The following NCKAP5 variants were observed in gnomAD, a reference collection of about 807,000 sequenced individuals.
The protein encoded by NCKAP5 is nck-associated protein 5.
Under a neutral mutation model 167.0 loss-of-function variants are expected in NCKAP5, and 92 were observed. The observed-to-expected ratio is 0.55, with a 90% confidence interval of 0.47 to 0.66. The LOEUF is 0.66. NCKAP5 is among the 30% of genes least tolerant of loss of function. The pLI, the probability that NCKAP5 is intolerant of heterozygous loss-of-function variation, is 0.00. For synonymous variants in NCKAP5, 891 were observed against 877.4 expected (o/e 1.02, Z -0.27); for missense variants, 2,378 against 2,315.0 (o/e 1.03, Z -0.56).
At chr2:132,852,904 A>G (rs1222972847) in intron 11 of NCKAP5, among the ~76,000 whole-genome samples, 2 of 152,126 alleles carry the variant, frequency 1.3e-5, no homozygotes, top group South Asian at 2.1e-4. Flanking sequence ...GTTTGTTTAT[A>G]TTATCTATCT....
At chr2:133,447,508 CCCCTTCCTTTCCCTTCCTTT>C (rs573957113) in intron 3 of NCKAP5, among the ~76,000 whole-genome samples, 1 of 142,192 alleles carries the variant, frequency 7.0e-6, no homozygotes, top group Non-Finnish European at 1.5e-5. Context: ...CCCTTCCTTT[CCCCTTCCTTTCCCTTCCTTT>C]CCCTTCCTTT....
intron 19 of NCKAP5, among the ~76,000 whole-genome samples, chr2:132,721,091 C>T (rs142800007): frequency 1.6e-3 from 248 of 151,898 alleles, no homozygotes; most frequent in African/African-American, 5.7e-3. Flanking sequence ...GGGCAGATCA[C>T]GAGGTCAGGA....
intron 7 of NCKAP5, among the ~76,000 whole-genome samples, chr2:132,974,563 C>T (rs1372207989): frequency 6.6e-6 from 1 of 152,124 alleles, no homozygotes; most frequent in Admixed American, 6.5e-5. Context: ...GTGGCAGAGC[C>T]AGAATTTAAA....
chr2:133,622,107 G>A, the NCKAP5 span, among the ~76,000 whole-genome samples: 1 of 151,980 alleles, frequency 6.6e-6, no homozygotes, highest in Non-Finnish European at 1.5e-5. Context: ...AAAACCTTCA[G>A]CAAAATTGGC....
chr2:133,672,049 C>G, the NCKAP5 span, among the ~76,000 whole-genome samples: 2 of 152,046 alleles, frequency 1.3e-5, no homozygotes, highest in Admixed American at 6.6e-5. Context: ...GCAATAAATG[C>G]TATGAAGAAA....
At chr2:133,326,782 C>T (rs1049614123) in intron 3 of NCKAP5, among the ~76,000 whole-genome samples, 2 of 152,300 alleles carry the variant, frequency 1.3e-5, no homozygotes, top group African/African-American at 2.4e-5. Flanking sequence ...CCTCTTCCTG[C>T]GTAAATTCAA....
intron 6 of NCKAP5, among the ~76,000 whole-genome samples, chr2:133,120,791 TAAAGATCCCCAG>T (rs972366026): frequency 6.6e-6 from 1 of 152,186 alleles, no homozygotes; most frequent in African/African-American, 2.4e-5. Flanking sequence ...ATCAAAACTT[TAAAGATCCCCAG>T]AAATGGCCAT....
At chr2:133,654,992 A>T in the NCKAP5 span, among the ~76,000 whole-genome samples, 3 of 152,216 alleles carry the variant, frequency 2.0e-5, no homozygotes, top group African/African-American at 7.2e-5. Context: ...GAGAGCTTCA[A>T]TTATAGGCAA....
At chr2:133,042,348 T>C (rs1054581334) in intron 6 of NCKAP5, among the ~76,000 whole-genome samples, 1 of 152,138 alleles carries the variant, frequency 6.6e-6, no homozygotes, top group Non-Finnish European at 1.5e-5. Context: ...TGGTAAATAA[T>C]GAAAATTATG....
chr2:133,174,492 T>A (rs1385537991), intron 5 of NCKAP5, among the ~76,000 whole-genome samples: 1 of 152,168 alleles, frequency 6.6e-6, no homozygotes, highest in Non-Finnish European at 1.5e-5. Context: ...TTAGCATCCA[T>A]CATTATGGAC....
chr2:133,558,800 G>A (rs1687952973), intron 2 of NCKAP5, among the ~76,000 whole-genome samples: 1 of 145,814 alleles, frequency 6.9e-6, no homozygotes, highest in Admixed American at 7.1e-5. Flanking sequence ...GTTCTCTGTA[G>A]TTGTTTTGGA....
chr2:132,961,364 C>T, intron 8 of NCKAP5, among the ~76,000 whole-genome samples: 1 of 151,430 alleles, frequency 6.6e-6, no homozygotes. Flanking sequence ...ATTTGTATTT[C>T]TTATTTTACA....
chr2:133,247,009 C>T (rs192423661), intron 4 of NCKAP5, among the ~76,000 whole-genome samples: 1 of 152,318 alleles, frequency 6.6e-6, no homozygotes, highest in East Asian at 1.9e-4. Flanking sequence ...TTTCCTAAAT[C>T]CAATTCTTCC....
chr2:132,957,162 G>C (rs6726816), intron 8 of NCKAP5, among the ~76,000 whole-genome samples: 4 of 151,906 alleles, frequency 2.6e-5, no homozygotes, highest in Admixed American at 6.5e-5. Context: ...AACTTAACGC[G>C]GGCAAAAACC....
At chr2:132,839,428 G>T (rs1301917905) in intron 11 of NCKAP5, among the ~76,000 whole-genome samples, 1 of 152,020 alleles carries the variant, frequency 6.6e-6, no homozygotes, top group Admixed American at 6.6e-5. Flanking sequence ...TTGACTCTTG[G>T]TGTCAACAAC....
the NCKAP5 span, among the ~76,000 whole-genome samples, chr2:133,634,315 C>T: frequency 6.6e-6 from 1 of 152,198 alleles, no homozygotes; most frequent in African/African-American, 2.4e-5. Context: ...GGCTGTTTAA[C>T]TCAACACATA....
chr2:133,410,765 A>G (rs1688724572), intron 3 of NCKAP5, among the ~76,000 whole-genome samples: 1 of 152,232 alleles, frequency 6.6e-6, no homozygotes, highest in African/African-American at 2.4e-5. Flanking sequence ...TCCTAAATTT[A>G]AAACCACTGA....
At chr2:133,621,573 C>T in the NCKAP5 span, among the ~76,000 whole-genome samples, 1 of 151,176 alleles carries the variant, frequency 6.6e-6, no homozygotes, top group East Asian at 2.1e-4. Context: ...ATTAAACCAG[C>T]AAGATAAAGA....
At chr2:132,910,898 A>C (rs560291020) in intron 8 of NCKAP5, among the ~76,000 whole-genome samples, 1 of 152,334 alleles carries the variant, frequency 6.6e-6, no homozygotes, top group East Asian at 1.9e-4. Context: ...GTAACTCAGA[A>C]GTATAATTCT....
Sources: gnomAD v4.1 joint callset for allele counts (sites outside exome capture counted in the v4.1 genomes callset) on GRCh38, gnomAD v4.1.1 for gene constraint, MANE v1.5 for transcripts, NCBI Gene and HGNC (gene_info 2026-07-23, HGNC 2026-07-21) for gene names.